GATAD2A: variants seen among roughly 807,000 people sequenced by gnomAD.
GATAD2A encodes GATA zinc finger domain containing 2A.
Under a neutral mutation model 68.5 loss-of-function variants are expected in GATAD2A, and 12 were observed. The ratio of observed to expected loss-of-function variants is 0.18; its 90% CI spans 0.11 to 0.28. The LOEUF (loss-of-function observed/expected upper bound fraction) is 0.28, where lower values mean the gene tolerates loss of function less well. Among genes scored for constraint, GATAD2A ranks in the 10% least tolerant of loss-of-function variants. The probability of loss-of-function intolerance (pLI) is 1.00; values close to 1 mark genes in which losing one functional copy is unlikely to be tolerated. For synonymous variants in GATAD2A, 410 were observed against 375.3 expected (o/e 1.09, Z -1.07); for missense variants, 755 against 868.5 (o/e 0.87, Z 1.64).
At chr19:19,463,874 G>C (rs557687201) in intron 1 of GATAD2A, among the ~76,000 whole-genome samples, 1 of 152,360 alleles carries the variant, frequency 6.6e-6, no homozygotes, top group East Asian at 1.9e-4. Flanking sequence ...GGCTCCAGGA[G>C]CGTGAAGCAG....
chr19:19,452,246 T>TC (rs2056467906), intron 1 of GATAD2A, among the ~76,000 whole-genome samples: 2 of 152,146 alleles, frequency 1.3e-5, no homozygotes, highest in African/African-American at 4.8e-5. Flanking sequence ...GTGTTCCTTG[T>TC]CCCCTTCCCA....
intron 1 of GATAD2A, among the ~76,000 whole-genome samples, chr19:19,397,130 C>CA (rs1308207831): frequency 2.0e-5 from 3 of 152,216 alleles, no homozygotes; most frequent in African/African-American, 7.2e-5. Flanking sequence ...TTCTAAAAGT[C>CA]AGAGTTTGAG....
At chr19:19,424,078 C>G (rs1013771407) in intron 1 of GATAD2A, among the ~76,000 whole-genome samples, 2 of 151,944 alleles carry the variant, frequency 1.3e-5, no homozygotes, top group Non-Finnish European at 2.9e-5. Flanking sequence ...GTATGCACCA[C>G]CACACCCAGC....
At chr19:19,446,076 G>C (rs2055679792) in intron 1 of GATAD2A, among the ~76,000 whole-genome samples, 1 of 152,108 alleles carries the variant, frequency 6.6e-6, no homozygotes, top group Non-Finnish European at 1.5e-5. Flanking sequence ...ACTTTCCACT[G>C]TTTTCCACGT....
chr19:19,468,030 T>C (rs2058009610), intron 2 of GATAD2A, among the ~76,000 whole-genome samples: 1 of 152,220 alleles, frequency 6.6e-6, no homozygotes, highest in Middle Eastern at 3.2e-3. Flanking sequence ...AATGAGGAGA[T>C]TGGCAGAATT....
At chr19:19,499,678 G>C (rs1436647863) in intron 8 of GATAD2A, among the ~76,000 whole-genome samples, 1 of 152,002 alleles carries the variant, frequency 6.6e-6, no homozygotes, top group East Asian at 1.9e-4. Flanking sequence ...TGCACCCAGG[G>C]TCCCCAAGAG....
chr19:19,387,731 CT>C (rs2048545187), intron 1 of GATAD2A, among the ~76,000 whole-genome samples: 1 of 152,138 alleles, frequency 6.6e-6, no homozygotes, highest in African/African-American at 2.4e-5. Flanking sequence ...TACCAGTATC[CT>C]TCTTTTCTAT....
intron 11 of GATAD2A, among the ~76,000 whole-genome samples, chr19:19,503,260 T>TC (rs1288289274): frequency 6.6e-6 from 1 of 152,196 alleles, no homozygotes; most frequent in Non-Finnish European, 1.5e-5. Context: ...AAGCAAAGTG[T>TC]CCCACATGCA....
chr19:19,465,717 G>T (rs989325359), intron 2 of GATAD2A, 103 bp downstream of exon 2: 4 of 1,372,336 alleles, frequency 2.9e-6, no homozygotes, highest in Non-Finnish European at 3.9e-6. Context: ...ACAGCTTGGC[G>T]GGGTTGTGGA....
chr19:19,398,012 T>G (rs1314770977), intron 1 of GATAD2A, among the ~76,000 whole-genome samples: 2 of 151,918 alleles, frequency 1.3e-5, no homozygotes, highest in African/African-American at 2.4e-5. Flanking sequence ...CAAGCAATTT[T>G]CCTGCCTCAG....
rs764658002 is a variant in GATAD2A, at chr19:19,465,511, C to G, written c.166C>G (p.Pro56Ala). ...MRVTPEPGAG[P>A]TQGLLRATEA... ...GGTGACACCTGAGCCGGGAGCAGGTCCAACCCAAGGATTGCTGAGGGCAAC... is the reference window on the plus strand; with the variant it reads ...GGTGACACCTGAGCCGGGAGCAGGTGCAACCCAAGGATTGCTGAGGGCAAC... The change falls in exon 2 of 12, where the codon CCA becomes GCA. Residue 56 changes from proline (P) to alanine (A), a missense_variant. Coordinates refer to ENST00000683918, the MANE Select transcript of GATAD2A (RefSeq NM_001384528.1). The G allele has an allele frequency of 6.2e-7, 1 of 1,613,898 alleles. No homozygotes were observed. The highest frequency in any genetic ancestry group is 8.5e-7 in the Non-Finnish European group (1 of 1,179,856).
At chr19:19,435,730 G>T (rs1437742931) in intron 1 of GATAD2A, among the ~76,000 whole-genome samples, 1 of 152,114 alleles carries the variant, frequency 6.6e-6, no homozygotes, top group South Asian at 2.1e-4. Context: ...GGTGCCTGTA[G>T]TCCCAGCTAC....
chr19:19,488,031 G>A (rs1444623327), intron 2 of GATAD2A, among the ~76,000 whole-genome samples: 1 of 152,220 alleles, frequency 6.6e-6, no homozygotes. Flanking sequence ...GGCCTCACGA[G>A]CTACAGGTCA....
At chr19:19,483,537 G>A (rs1342007215) in intron 2 of GATAD2A, among the ~76,000 whole-genome samples, 1 of 152,170 alleles carries the variant, frequency 6.6e-6, no homozygotes, top group Non-Finnish European at 1.5e-5. Context: ...AGGGGCTGCG[G>A]CTGGCGAGAA....
intron 2 of GATAD2A, among the ~76,000 whole-genome samples, chr19:19,484,474 C>T (rs1645797115): frequency 1.3e-5 from 2 of 149,528 alleles, no homozygotes; most frequent in Non-Finnish European, 1.5e-5. Context: ...ACTTGGGGAA[C>T]TGATAACTGT....
upstream of GATAD2A, among the ~76,000 whole-genome samples, chr19:19,403,282 C>T (rs954699594): frequency 1.3e-5 from 2 of 152,160 alleles, no homozygotes; most frequent in Admixed American, 6.5e-5. Context: ...TTAATCCAAA[C>T]AGCCTCAGCA....
chr19:19,402,776 AT>A (rs1400983648), upstream of GATAD2A, among the ~76,000 whole-genome samples: 373 of 112,366 alleles, frequency 3.3e-3, 1 homozygote, highest in African/African-American at 8.4e-3. Context: ...TGTTTTTTTG[AT>A]TTTTTTTTTT....
At chr19:19,453,698 A>G (rs2056629505) in intron 1 of GATAD2A, among the ~76,000 whole-genome samples, 1 of 146,406 alleles carries the variant, frequency 6.8e-6, no homozygotes, top group Non-Finnish European at 1.5e-5. Flanking sequence ...TTTTTTTGAG[A>G]CGGAGTCTTG....
At chr19:19,487,573 G>C (rs1302213872) in intron 2 of GATAD2A, among the ~76,000 whole-genome samples, 1 of 152,112 alleles carries the variant, frequency 6.6e-6, no homozygotes, top group African/African-American at 2.4e-5. Flanking sequence ...GGAAGCTCTG[G>C]GGGGTTTCTG....
Sources: allele counts gnomAD v4.1 joint callset (sites outside exome capture counted in the v4.1 genomes callset), GRCh38; gene constraint gnomAD v4.1.1; transcripts MANE v1.5; gene names NCBI Gene and HGNC (gene_info 2026-07-23, HGNC 2026-07-21).